UNC5D: variants seen among roughly 807,000 people sequenced by gnomAD.
UNC5D encodes unc-5 netrin receptor D, also known as netrin receptor UNC5D.
In UNC5D, 39 loss-of-function variants were observed where a neutral mutation model predicts 105.4. The observed-to-expected ratio is 0.37, with a 90% CI of 0.29 to 0.48. The LOEUF (loss-of-function observed/expected upper bound fraction) is 0.48. UNC5D is among the 20% of genes least tolerant of loss of function. The probability of loss-of-function intolerance (pLI) is 0.98; values close to 1 mark genes in which losing one functional copy is unlikely to be tolerated. For missense variants in UNC5D, 991 were observed against 1,202.4 expected, an observed-to-expected ratio of 0.82 and a Z score of 2.60; for synonymous variants, 452 against 450.4, an observed-to-expected ratio of 1.00 and a Z score of -0.04.
intron 1 of UNC5D, among the ~76,000 whole-genome samples, chr8:35,519,133 A>G (rs1813295521): frequency 6.6e-6 from 1 of 152,044 alleles, no homozygotes; most frequent in Admixed American, 6.6e-5. Context: ...TAGTCTCTTT[A>G]GCCTTTTTTC....
intron 1 of UNC5D, among the ~76,000 whole-genome samples, chr8:35,283,299 G>A (rs1026738011): frequency 2.0e-5 from 3 of 152,116 alleles, no homozygotes; most frequent in African/African-American, 4.8e-5. Context: ...AACTGTTCAC[G>A]GTCAAGTCTG....
chr8:35,556,870 C>T (rs1218615906), intron 2 of UNC5D, among the ~76,000 whole-genome samples: 2 of 152,186 alleles, frequency 1.3e-5, no homozygotes, highest in Non-Finnish European at 2.9e-5. Context: ...CTGCAAGTTC[C>T]AGCCTCATTT....
Position 35,726,327 on chromosome 8 carries a change from G to T in UNC5D, c.1479G>T (p.Leu493=). 1 of 1,614,068 alleles carries T rather than the reference G, an allele frequency of 6.2e-7. No individual in the cohort carries two copies. The highest frequency in any genetic ancestry group is 2.2e-5 in the East Asian group (1 of 44,854). Residue 493 remains leucine (L), a synonymous_variant, in exon 10 of 17, where the codon CTG becomes CTT. Coordinates refer to ENST00000404895, the MANE Select transcript of UNC5D (RefSeq NM_080872.4). ...TCCAGAGCTCGTTCATGGTTTCCCTGGGAGTGTCTGAGAGAGCTGAGTACC... is the reference window on the plus strand; with the variant it reads ...TCCAGAGCTCGTTCATGGTTTCCCTTGGAGTGTCTGAGAGAGCTGAGTACC... ...VKVQSSFMVS[L]GVSERAEYHG... is the part of the protein sequence containing the mutation.
chr8:35,396,200 C>A (rs1029392489), intron 1 of UNC5D, among the ~76,000 whole-genome samples: 1 of 152,022 alleles, frequency 6.6e-6, no homozygotes, highest in South Asian at 2.1e-4. Flanking sequence ...GTCAGGGGTC[C>A]CCGTAACTAC....
In UNC5D at chr8:35,235,949, C is replaced by T. The variant is rs563390808; in HGVS notation, c.103+62C>T. On this transcript the variant is annotated intron_variant, in intron 1 of 16. Coordinates refer to ENST00000404895, the MANE Select transcript of UNC5D (RefSeq NM_080872.4). ...GCGCAGGGGCGCCAGCCTGACGGAGCGGGACCTGCACCGATGGCGTTGGCT... is the reference window on the plus strand; with the variant it reads ...GCGCAGGGGCGCCAGCCTGACGGAGTGGGACCTGCACCGATGGCGTTGGCT... 404 of 1,202,462 alleles carry T rather than the reference C, an allele frequency of 3.4e-4. 4 individuals carry two copies. In the African/African-American group the frequency reaches 5.5e-3, roughly 16 times the overall value. 74.5% of individuals were successfully genotyped at this position (1,202,462 alleles called of 1,614,324 possible).
rs752599540 is a variant in UNC5D at position 35,300,446 on chromosome 8, C to CAAAAAAAAAAAAAAAAAAAAA, written c.103+64587_103+64607dup. On this transcript the variant is annotated intron_variant, in intron 1 of 16. Coordinates refer to ENST00000404895, the MANE Select transcript of UNC5D (RefSeq NM_080872.4). ...TGGGCAACAGAGAGAGACTCCCTCT[C>CAAAAAAAAAAAAAAAAAAAAA]AAAAAAAAAAAAAAAAAAAAAAAAA... Among the ~76,000 whole-genome samples, 2 of 58,416 alleles carry CAAAAAAAAAAAAAAAAAAAAA rather than the reference C, an allele frequency of 3.4e-5. 1 individual carries two copies. The highest frequency in any genetic ancestry group is 4.0e-4 in the Admixed American group (2 of 4,948). 38.3% of individuals were successfully genotyped at this position (58,416 alleles called of 152,430 possible).
At chr8:35,571,718 G>A (rs889218164) in intron 3 of UNC5D, among the ~76,000 whole-genome samples, 13 of 152,156 alleles carry the variant, frequency 8.5e-5, no homozygotes, top group African/African-American at 3.1e-4. Flanking sequence ...TGTGAGGATC[G>A]TCTTTATTCC....
At chr8:35,365,578 A>C (rs1327224837) in intron 1 of UNC5D, among the ~76,000 whole-genome samples, 4 of 123,620 alleles carry the variant, frequency 3.2e-5, no homozygotes, top group African/African-American at 1.2e-4. Flanking sequence ...TTAGGCTTTC[A>C]TGCCATCCCC....
chr8:35,651,616 A>G (rs1306746146), intron 4 of UNC5D, among the ~76,000 whole-genome samples: 1 of 152,248 alleles, frequency 6.6e-6, no homozygotes, highest in East Asian at 1.9e-4. Flanking sequence ...GTGCTCCTGC[A>G]ACCTCTCTCT....
intron 4 of UNC5D, among the ~76,000 whole-genome samples, chr8:35,671,758 G>A (rs960829831): frequency 6.6e-6 from 1 of 152,016 alleles, no homozygotes; most frequent in African/African-American, 2.4e-5. Context: ...TGGATAGAGT[G>A]TCTAGTAATC....
intron 4 of UNC5D, among the ~76,000 whole-genome samples, chr8:35,605,431 G>A (rs565291361): frequency 6.6e-6 from 1 of 152,320 alleles, no homozygotes; most frequent in South Asian, 2.1e-4. Flanking sequence ...GTACCTGGCC[G>A]TATGAGGTGT....
chr8:35,718,327 C>T (rs1450910393), intron 8 of UNC5D, among the ~76,000 whole-genome samples: 2 of 152,166 alleles, frequency 1.3e-5, no homozygotes, highest in Non-Finnish European at 2.9e-5. Flanking sequence ...TCAGTCAGGG[C>T]TTTTGTTCAA....
At chr8:35,593,841 A>G (rs141262409) in intron 3 of UNC5D, among the ~76,000 whole-genome samples, 318 of 152,342 alleles carry the variant, frequency 2.1e-3, no homozygotes, top group Admixed American at 4.4e-3. Context: ...CTCTTGCTCT[A>G]TGATAGACTA....
In UNC5D at chr8:35,308,111, AATGT is replaced by A. The variant is rs67464735; in HGVS notation, c.103+72229_103+72232del. 9.1e-3 allele frequency among the ~76,000 whole-genome samples: 993 copies of A among 108,624 alleles called. 15 individuals carry two copies. Among genetic ancestry groups the A allele is most frequent in the African/African-American group, 0.034 (921 of 27,350 alleles). The allele number at this position is 108,624 out of a possible 152,430, so 71.3% of individuals were successfully genotyped here. ...CTATTTTAAGCCTTTTCTATGTCAC[AATGT>A]ATGTGTGTGTGTGTGTGTGTGTGTG... On this transcript the variant is annotated intron_variant, in intron 1 of 16. Transcript: ENST00000404895.
At chr8:35,352,132 G>GA (rs1438426850) in intron 1 of UNC5D, among the ~76,000 whole-genome samples, 3 of 151,496 alleles carry the variant, frequency 2.0e-5, no homozygotes. Context: ...TAAGAGATAA[G>GA]AAAAATATAT....
intron 4 of UNC5D, among the ~76,000 whole-genome samples, chr8:35,641,873 G>C (rs778643770): frequency 3.3e-5 from 5 of 152,098 alleles, no homozygotes; most frequent in Non-Finnish European, 5.9e-5. Context: ...AATAAAAAGG[G>C]CTGGCACAAT....
intron 4 of UNC5D, among the ~76,000 whole-genome samples, chr8:35,605,456 T>G (rs1820224012): frequency 6.6e-6 from 1 of 152,212 alleles, no homozygotes; most frequent in African/African-American, 2.4e-5. Flanking sequence ...CCACCCCTAC[T>G]GGGGGTTGCC....
intron 16 of UNC5D, among the ~76,000 whole-genome samples, chr8:35,776,861 C>A (rs1248486352): frequency 1.3e-5 from 2 of 152,184 alleles, no homozygotes; most frequent in Admixed American, 1.3e-4. Flanking sequence ...GTAATCCAAG[C>A]ACTGTAGGAG....
intron 14 of UNC5D, 97 bp from the exon 15 acceptor site, chr8:35,766,805 G>GTCA (rs58870994): frequency 2.0e-4 from 261 of 1,336,222 alleles, no homozygotes; most frequent in South Asian, 4.7e-4. Flanking sequence ...TGTTGTTGTC[G>GTCA]TCATCATCAT....
Sources: gnomAD v4.1 joint callset for allele counts (sites outside exome capture counted in the v4.1 genomes callset) on GRCh38, gnomAD v4.1.1 for gene constraint, MANE v1.5 for transcripts, NCBI Gene and HGNC (gene_info 2026-07-23, HGNC 2026-07-21) for gene names.